Variants in MPPED2 observed in about 807,000 individuals in gnomAD.
The protein encoded by MPPED2 is metallophosphoesterase MPPED2.
Under a neutral mutation model 33.0 loss-of-function variants are expected in MPPED2, and 5 were observed. That is an observed-to-expected ratio of 0.15 (90% confidence interval 0.08 to 0.32). The LOEUF (loss-of-function observed/expected upper bound fraction) is 0.32. MPPED2 is among the 10% of genes least tolerant of loss of function. The pLI, the probability that MPPED2 is intolerant of heterozygous loss-of-function variation, is 1.00. For synonymous variants in MPPED2, 136 were observed against 141.9 expected (o/e 0.96, Z 0.29); for missense variants, 275 against 372.1 (o/e 0.74, Z 2.15).
chr11:30,420,098 C>T (rs755819792), intron 4 of MPPED2, among the ~76,000 whole-genome samples: 3 of 152,096 alleles, frequency 2.0e-5, no homozygotes, highest in South Asian at 2.1e-4. Context: ...TTACTGTACA[C>T]GGCAAGGGGA....
intron 4 of MPPED2, among the ~76,000 whole-genome samples, chr11:30,426,536 G>T (rs533504533): frequency 6.6e-6 from 1 of 152,312 alleles, no homozygotes; most frequent in African/African-American, 2.4e-5. Context: ...GATGGGCTCA[G>T]TAAGGTACCT....
At chr11:30,504,783 CT>C (rs1442371435) in intron 3 of MPPED2, 1 of 1,289,264 alleles carries the variant, frequency 7.8e-7, no homozygotes, top group Non-Finnish European at 1.0e-6. Flanking sequence ...ACCTTCTCCT[CT>C]GAAACTCATG....
At chr11:30,507,714 A>T (rs2134282729) in intron 3 of MPPED2, among the ~76,000 whole-genome samples, 1 of 152,214 alleles carries the variant, frequency 6.6e-6, no homozygotes, top group East Asian at 1.9e-4. Flanking sequence ...AGCCACTAAG[A>T]CTTCCTGGGG....
intron 3 of MPPED2, among the ~76,000 whole-genome samples, chr11:30,507,649 T>C (rs1952911634): frequency 6.6e-6 from 1 of 152,206 alleles, no homozygotes; most frequent in Admixed American, 6.5e-5. Flanking sequence ...TCCATTCTGC[T>C]TTCTCCACCC....
chr11:30,397,347 T>C (rs1291237965), intron 6 of MPPED2, among the ~76,000 whole-genome samples: 1 of 152,186 alleles, frequency 6.6e-6, no homozygotes, highest in Non-Finnish European at 1.5e-5. Context: ...AAATTTCATA[T>C]GGAGTACACA....
intron 4 of MPPED2, among the ~76,000 whole-genome samples, chr11:30,458,319 A>G (rs775708949): frequency 2.0e-5 from 3 of 152,236 alleles, no homozygotes; most frequent in Non-Finnish European, 4.4e-5. Flanking sequence ...GTGAAAGTCA[A>G]TGGGAAAAGA....
At chr11:30,497,566 T>C (rs1397220933) in intron 3 of MPPED2, among the ~76,000 whole-genome samples, 1 of 152,220 alleles carries the variant, frequency 6.6e-6, no homozygotes, top group African/African-American at 2.4e-5. Context: ...CCTTTCATTA[T>C]GTGCCACCGC....
At chr11:30,523,935 G>A (rs538821393) in intron 3 of MPPED2, among the ~76,000 whole-genome samples, 116 of 152,274 alleles carry the variant, frequency 7.6e-4, no homozygotes, top group Non-Finnish European at 1.1e-3. Context: ...AACTTGGACC[G>A]GAAAGTTGCT....
chr11:30,427,324 A>G (rs1004539004), intron 4 of MPPED2, among the ~76,000 whole-genome samples: 11 of 152,168 alleles, frequency 7.2e-5, no homozygotes, highest in African/African-American at 2.7e-4. Context: ...ATTTACAATG[A>G]GTGTGTGTGT....
chr11:30,543,831 G>A, intron 2 of MPPED2, among the ~76,000 whole-genome samples: 1 of 130,444 alleles, frequency 7.7e-6, no homozygotes, highest in Non-Finnish European at 1.6e-5. Context: ...CTAGGAGCTG[G>A]TAAAATTCTT....
intron 4 of MPPED2, among the ~76,000 whole-genome samples, chr11:30,490,915 C>T (rs1951951797): frequency 6.6e-6 from 1 of 152,128 alleles, no homozygotes; most frequent in South Asian, 2.1e-4. Flanking sequence ...ATGGCGATTA[C>T]TTTTGAGAAA....
intron 4 of MPPED2, among the ~76,000 whole-genome samples, chr11:30,434,798 G>T (rs1373666053): frequency 6.6e-6 from 1 of 152,098 alleles, no homozygotes; most frequent in African/African-American, 2.4e-5. Context: ...GTTATCTGCT[G>T]GGTACTTTCA....
intron 4 of MPPED2, among the ~76,000 whole-genome samples, chr11:30,489,163 G>T (rs915341893): frequency 6.6e-6 from 1 of 151,186 alleles, no homozygotes; most frequent in African/African-American, 2.4e-5. Context: ...GTTGCCAGTT[G>T]GTTTTCTAAT....
intron 2 of MPPED2, among the ~76,000 whole-genome samples, chr11:30,558,987 A>G (rs895623137): frequency 1.3e-5 from 2 of 152,180 alleles, no homozygotes; most frequent in African/African-American, 4.8e-5. Context: ...CAATGAAAAA[A>G]TGGTGATGAA....
intron 4 of MPPED2, among the ~76,000 whole-genome samples, chr11:30,461,638 T>C (rs2134005112): frequency 6.6e-6 from 1 of 152,204 alleles, no homozygotes; most frequent in East Asian, 1.9e-4. Context: ...TGCCTGACCT[T>C]ACAGTCCAAA....
At chr11:30,532,648 G>T (rs117064504) in intron 3 of MPPED2, among the ~76,000 whole-genome samples, 3,567 of 152,278 alleles carry the variant, frequency 0.023, 73 homozygotes, top group Admixed American at 0.053. Flanking sequence ...AGGCTTGAGA[G>T]TTTACACAAC....
At chr11:30,464,317 C>T (rs979717007) in intron 4 of MPPED2, among the ~76,000 whole-genome samples, 5 of 150,324 alleles carry the variant, frequency 3.3e-5, no homozygotes, top group African/African-American at 1.2e-4. Context: ...TGACTATCGT[C>T]TACATTTCAA....
intron 3 of MPPED2, among the ~76,000 whole-genome samples, chr11:30,512,606 C>G (rs554903321): frequency 1.1e-4 from 16 of 152,282 alleles, no homozygotes; most frequent in South Asian, 4.1e-4. Context: ...GCCCCAGAAC[C>G]GGGATTGTAC....
chr11:30,492,031 G>C (rs1376756616), intron 4 of MPPED2, among the ~76,000 whole-genome samples: 1 of 152,232 alleles, frequency 6.6e-6, no homozygotes, highest in Non-Finnish European at 1.5e-5. Context: ...ACCTTTAGGA[G>C]AACATTTCAG....
Sources: gnomAD v4.1 joint callset for allele counts (sites outside exome capture counted in the v4.1 genomes callset) on GRCh38, gnomAD v4.1.1 for gene constraint, MANE v1.5 for transcripts, NCBI Gene and HGNC (gene_info 2026-07-23, HGNC 2026-07-21) for gene names.